Variants in FAM81B observed in about 807,000 individuals in gnomAD.
FAM81B encodes family with sequence similarity 81 member B.
In FAM81B, 60 loss-of-function variants were observed where a neutral mutation model predicts 58.7. The ratio of observed to expected loss-of-function variants is 1.02; its 90% CI spans 0.83 to 1.27. FAM81B has a LOEUF of 1.27. FAM81B is among the 50% of genes most tolerant of loss of function. The probability of loss-of-function intolerance (pLI) is 0.00; values close to 1 mark genes in which losing one functional copy is unlikely to be tolerated. For synonymous variants in FAM81B, 189 were observed against 179.6 expected (o/e 1.05, Z -0.42); for missense variants, 491 against 522.0 (o/e 0.94, Z 0.58).
intron 8 of FAM81B, among the ~76,000 whole-genome samples, chr5:95,447,289 G>A (rs1166605276): frequency 1.3e-5 from 2 of 152,182 alleles, no homozygotes; most frequent in Non-Finnish European, 2.9e-5. Flanking sequence ...AGTCCTGCAG[G>A]TGACTAAAGT....
intron 6 of FAM81B, among the ~76,000 whole-genome samples, chr5:95,433,704 C>T (rs1744997145): frequency 6.6e-6 from 1 of 152,114 alleles, no homozygotes; most frequent in Admixed American, 6.6e-5. Context: ...ATTTTTAGGG[C>T]ACAAAGTTCA....
At chr5:95,440,712 T>G (rs933914864) in intron 7 of FAM81B, 16 of 688,808 alleles carry the variant, frequency 2.3e-5, no homozygotes, top group African/African-American at 3.7e-5. Context: ...CTTCAGCTTC[T>G]CACCTATTTA....
chr5:95,450,407 G>A lies in FAM81B; in HGVS notation c.*125G>A, dbSNP rs1173440440. The A allele has an allele frequency of 2.9e-5, 43 of 1,463,258 alleles. No individual in the cohort carries two copies. In the South Asian group the frequency reaches 5.1e-4, roughly 17 times the overall value. The allele number at this position is 1,463,258 out of a possible 1,614,324, so 90.6% of individuals were successfully genotyped here. On this transcript the variant is annotated 3_prime_UTR_variant, in exon 10 of 10. Coordinates refer to ENST00000283357, the MANE Select transcript of FAM81B (RefSeq NM_152548.3). The stretch of plus-strand genomic sequence containing the variant: ...AATGTCTCCTTTTAAGGAGACGAAT[G>A]TACCAGAAAAATAATAAAGCAAAGA...
chr5:95,446,167 C>T (rs1394971535), intron 7 of FAM81B, among the ~76,000 whole-genome samples: 1 of 152,160 alleles, frequency 6.6e-6, no homozygotes, highest in Admixed American at 6.6e-5. Context: ...ACAGACAACG[C>T]CTAGCATGAG....
chr5:95,450,348 G>T lies in FAM81B; in HGVS notation c.*66G>T. On this transcript the variant is annotated 3_prime_UTR_variant, in exon 10 of 10. Transcript: ENST00000283357. ...ATTTGTTGGAAAAAGTTCTGAAGAA[G>T]AAAGTTACTATCTCTGGGATGTTTA... 1 of 1,586,538 alleles carries T rather than the reference G, an allele frequency of 6.3e-7. No individual in the cohort carries two copies. Among genetic ancestry groups the T allele is most frequent in the East Asian group, 2.3e-5 (1 of 43,738 alleles).
In FAM81B at chr5:95,420,103, C is replaced by T. The variant is rs983783838; in HGVS notation, c.538-181C>T. 1.1e-4 allele frequency among the ~76,000 whole-genome samples: 17 copies of T among 150,826 alleles called. No individual in the cohort carries two copies. The East Asian group carries it at 3.1e-3, about 28-fold the overall frequency. On this transcript the variant is annotated intron_variant, in intron 4 of 9. Coordinates refer to ENST00000283357, the MANE Select transcript of FAM81B (RefSeq NM_152548.3). ...TGGCAATAATCACCTAGAATCAAAC[C>T]ACTGCTGCTTCCCTCAGATAAATTA...
intron 6 of FAM81B, among the ~76,000 whole-genome samples, chr5:95,429,251 G>C (rs2152767175): frequency 6.6e-6 from 1 of 152,200 alleles, no homozygotes; most frequent in East Asian, 1.9e-4. Flanking sequence ...TGAGCTCCCT[G>C]TAGGTAGGTC....
chr5:95,423,907 A>T, intron 5 of FAM81B: 1 of 732,696 alleles, frequency 1.4e-6, no homozygotes, highest in Non-Finnish European at 2.0e-6. Context: ...GGCAAAATGG[A>T]ATCAAGCAGC....
intron 3 of FAM81B, chr5:95,397,061 A>G (rs1003044866): frequency 6.6e-6 from 1 of 152,338 alleles, no homozygotes; most frequent in Middle Eastern, 3.4e-3. Context: ...TTGAACTTCG[A>G]TTTTTTAAAA....
At chr5:95,404,655 C>G (rs1762199560) in intron 3 of FAM81B, among the ~76,000 whole-genome samples, 1 of 152,032 alleles carries the variant, frequency 6.6e-6, no homozygotes, top group Admixed American at 6.6e-5. Flanking sequence ...CTTAAGGGAA[C>G]AGTCCAGGTA....
chr5:95,407,282 A>ACACACACG (rs1438251829), intron 3 of FAM81B, among the ~76,000 whole-genome samples: 1 of 151,460 alleles, frequency 6.6e-6, no homozygotes, highest in East Asian at 1.9e-4. Flanking sequence ...ACACACACAC[A>ACACACACG]CACACACACA....
At chr5:95,422,404 A>G (rs1252936754) in intron 5 of FAM81B, among the ~76,000 whole-genome samples, 3 of 152,108 alleles carry the variant, frequency 2.0e-5, no homozygotes, top group Non-Finnish European at 4.4e-5. Context: ...ACAAGATAAC[A>G]AAACAAATAT....
At chr5:95,437,452 C>A (rs1745150285) in intron 7 of FAM81B, among the ~76,000 whole-genome samples, 1 of 152,228 alleles carries the variant, frequency 6.6e-6, no homozygotes, top group African/African-American at 2.4e-5. Flanking sequence ...TCACGCCATT[C>A]TCCTGCCTCA....
intron 1 of FAM81B, 65 bp from the exon 2 acceptor site, chr5:95,392,729 T>A (rs1485444641): frequency 8.0e-6 from 11 of 1,373,580 alleles, no homozygotes; most frequent in Non-Finnish European, 1.0e-5. Flanking sequence ...TAAAAAAAAA[T>A]TAGCAGCACT....
intron 4 of FAM81B, among the ~76,000 whole-genome samples, chr5:95,415,419 G>A (rs1026196873): frequency 6.6e-6 from 1 of 152,200 alleles, no homozygotes; most frequent in Non-Finnish European, 1.5e-5. Flanking sequence ...TTTTCCATCT[G>A]CAGGGTTTAA....
intron 3 of FAM81B, among the ~76,000 whole-genome samples, chr5:95,403,150 C>G (rs1310683952): frequency 2.0e-5 from 3 of 152,200 alleles, no homozygotes; most frequent in Non-Finnish European, 4.4e-5. Flanking sequence ...CACCTATGCG[C>G]TTGCTTAAAA....
In FAM81B at chr5:95,391,393, C is replaced by T; in HGVS notation, c.4C>T (p.Gln2Ter). The T allele has an allele frequency of 3.1e-6, 5 of 1,612,254 alleles. No individual in the cohort carries two copies. The highest frequency in any genetic ancestry group is 4.2e-6 in the Non-Finnish European group (5 of 1,179,124). The part of the protein sequence containing the change: M[Q>*]LQFLGTLASS... ...AAACAGGAAGACCTTAGTTAGGATG[C>T]AATTACAATTCCTTGGTACATTGGC... Residue 2 changes from glutamine (Q) to a stop codon, truncating the protein, a stop_gained, in exon 1 of 10, where the codon CAA becomes TAA. Coordinates refer to ENST00000283357, the MANE Select transcript of FAM81B (RefSeq NM_152548.3). LOFTEE classifies it high-confidence loss of function.
chr5:95,445,023 AG>A (rs754192733), intron 7 of FAM81B, among the ~76,000 whole-genome samples: 2 of 152,244 alleles, frequency 1.3e-5, no homozygotes, highest in Admixed American at 6.5e-5. Context: ...AGCAGGTGGG[AG>A]GGGGGTAACT....
intron 2 of FAM81B, among the ~76,000 whole-genome samples, chr5:95,393,834 A>G (rs1358174881): frequency 2.0e-5 from 3 of 152,218 alleles, no homozygotes; most frequent in Non-Finnish European, 4.4e-5. Context: ...AAGCTATAAC[A>G]TTCAAAGCAT....
Sources: allele counts gnomAD v4.1 joint callset (sites outside exome capture counted in the v4.1 genomes callset), GRCh38; gene constraint gnomAD v4.1.1; transcripts MANE v1.5; gene names NCBI Gene and HGNC (gene_info 2026-07-23, HGNC 2026-07-21).